The following PTPRQ variants were observed in gnomAD, a reference collection of about 807,000 sequenced individuals.
PTPRQ encodes the protein protein tyrosine phosphatase receptor type Q, also known as phosphatidylinositol phosphatase PTPRQ.
In PTPRQ, 199 loss-of-function variants were observed where a neutral mutation model predicts 246.0. That is an observed-to-expected ratio of 0.81 (90% CI 0.72 to 0.91). PTPRQ has a LOEUF of 0.91. Ranked by LOEUF, PTPRQ falls within the 40% of genes least tolerant of loss-of-function variation. PTPRQ has a pLI of 0.00. For missense variants in PTPRQ, 2,624 were observed against 2,528.4 expected (o/e 1.04, Z -0.81); for synonymous variants, 869 against 853.2 (o/e 1.02, Z -0.32).
chr12:80,580,991 T>C (rs1475115393), intron 25 of PTPRQ, among the ~76,000 whole-genome samples: 1 of 152,200 alleles, frequency 6.6e-6, no homozygotes, highest in Non-Finnish European at 1.5e-5. Context: ...ATTGATCTGC[T>C]GAAAATTTTT....
In PTPRQ at chr12:80,444,360, C is replaced by A. The variant is rs1180358614; in HGVS notation, c.15C>A (p.Ile5=). MDFL[I]IFLLLFIGTS... ...ATGTAATAAAGATGGATTTTCTTAT[C>A]ATTTTTCTTTTACTTTTTATTGGGA... The change falls in exon 1 of 45, where the codon ATC becomes ATA. Residue 5 remains isoleucine (I), a synonymous_variant. Coordinates refer to ENST00000644991, the MANE Select transcript of PTPRQ (RefSeq NM_001145026.2). 2 of 1,467,782 alleles carry A rather than the reference C, an allele frequency of 1.4e-6. No individual in the cohort carries two copies. Among genetic ancestry groups the A allele is most frequent in the Non-Finnish European group, 1.9e-6 (2 of 1,074,494 alleles). 90.9% of individuals were successfully genotyped at this position (1,467,782 alleles called of 1,614,324 possible). A position where few individuals can be genotyped will look rare whatever the true frequency, so the allele number is the denominator to read the frequency against.
At chr12:80,459,185 G>A (rs945211512) in intron 4 of PTPRQ, 99 bp from the exon 5 acceptor site, 9 of 396,290 alleles carry the variant, frequency 2.3e-5, no homozygotes, top group African/African-American at 6.2e-5. Flanking sequence ...ATTTTATGCA[G>A]TGTATTATAT....
intron 6 of PTPRQ, among the ~76,000 whole-genome samples, chr12:80,466,714 C>G (rs1329826777): frequency 6.6e-6 from 1 of 152,192 alleles, no homozygotes; most frequent in Non-Finnish European, 1.5e-5. Flanking sequence ...ATATCTACAA[C>G]TATCTGATCT....
intron 35 of PTPRQ, among the ~76,000 whole-genome samples, chr12:80,646,643 C>A (rs999360981): frequency 6.6e-6 from 1 of 151,944 alleles, no homozygotes; most frequent in Non-Finnish European, 1.5e-5. Context: ...TCCTTGCATG[C>A]GAATGTTGAG....
intron 14 of PTPRQ, among the ~76,000 whole-genome samples, chr12:80,505,629 C>T (rs957978925): frequency 2.0e-5 from 3 of 151,862 alleles, no homozygotes; most frequent in Non-Finnish European, 2.9e-5. Context: ...ACAGACCTTG[C>T]TGTCGACCAA....
chr12:80,528,912 C>T (rs1272003927), intron 17 of PTPRQ, among the ~76,000 whole-genome samples: 1 of 152,084 alleles, frequency 6.6e-6, no homozygotes, highest in African/African-American at 2.4e-5. Context: ...ATGTATCTTT[C>T]CTACCAAAAG....
At chr12:80,506,745 T>C in intron 16 of PTPRQ, 75 bp downstream of exon 16, 1 of 1,328,244 alleles carries the variant, frequency 7.5e-7, no homozygotes, top group Non-Finnish European at 1.0e-6. Flanking sequence ...AATGAAACAA[T>C]GTAAAAACTC....
chr12:80,446,061 G>A (rs967164707), intron 3 of PTPRQ, among the ~76,000 whole-genome samples: 3 of 151,760 alleles, frequency 2.0e-5, no homozygotes, highest in Admixed American at 6.6e-5. Flanking sequence ...AGAGGCCAGG[G>A]TAGTTTGAAT....
intron 21 of PTPRQ, 96 bp from the exon 22 acceptor site, chr12:80,541,993 A>C (rs1252230237): frequency 6.8e-7 from 1 of 1,479,504 alleles, no homozygotes; most frequent in Non-Finnish European, 9.0e-7. Context: ...TCTTAAAATA[A>C]TCTGCTAAGA....
intron 25 of PTPRQ, among the ~76,000 whole-genome samples, chr12:80,552,165 A>C (rs1292521060): frequency 6.6e-6 from 1 of 152,138 alleles, no homozygotes; most frequent in Non-Finnish European, 1.5e-5. Context: ...GTAGATTACC[A>C]GGAACTTTTG....
At chr12:80,461,639 TATATC>T (rs1182796426) in intron 6 of PTPRQ, among the ~76,000 whole-genome samples, 12 of 150,630 alleles carry the variant, frequency 8.0e-5, no homozygotes, top group Non-Finnish European at 1.3e-4. Flanking sequence ...AGCTGACAGA[TATATC>T]ATAATATAGT....
chr12:80,481,807 C>A (rs1050932209), intron 8 of PTPRQ, among the ~76,000 whole-genome samples: 1 of 151,998 alleles, frequency 6.6e-6, no homozygotes, highest in Non-Finnish European at 1.5e-5. Context: ...ACCTAGGAAT[C>A]CAACTTACAA....
At chr12:80,454,509 A>G (rs1892904690) in intron 3 of PTPRQ, 1 of 702,442 alleles carries the variant, frequency 1.4e-6, no homozygotes, top group Non-Finnish European at 2.6e-6. Flanking sequence ...ACTGTGTTCA[A>G]TAGGATTGGT....
At position 80,616,079 on chromosome 12, in the gene PTPRQ, TTA is replaced by T. The variant is rs3994957; in HGVS notation, c.5164-106_5164-105del. ...AAATTACATGTAACCATAATCAGTT[TTA>T]TATATATATATATAACTATATATAT... On this transcript the variant is annotated intron_variant, in intron 29 of 44. Transcript: ENST00000644991. 0.28 allele frequency: 130,328 copies of T among 470,722 alleles called. 18,514 individuals are homozygous for T. Among genetic ancestry groups the T allele is most frequent in the Admixed American group, 0.3 (5,401 of 18,152 alleles). 29.2% of individuals were successfully genotyped at this position (470,722 alleles called of 1,614,324 possible). A position where few individuals can be genotyped will look rare whatever the true frequency, so the allele number is the denominator to read the frequency against.
chr12:80,665,159 C>T (rs1592774377), intron 39 of PTPRQ, among the ~76,000 whole-genome samples: 1 of 151,980 alleles, frequency 6.6e-6, no homozygotes, highest in Non-Finnish European at 1.5e-5. Flanking sequence ...TGGCAAATTA[C>T]TGGTGCAAGT....
At chr12:80,579,480 A>G (rs949748643) in intron 25 of PTPRQ, among the ~76,000 whole-genome samples, 2 of 152,118 alleles carry the variant, frequency 1.3e-5, no homozygotes, top group Admixed American at 6.6e-5. Flanking sequence ...TGTTCCTTCA[A>G]ATTAGAGCTC....
intron 43 of PTPRQ, among the ~76,000 whole-genome samples, chr12:80,673,912 A>G (rs1360937081): frequency 6.6e-6 from 1 of 152,102 alleles, no homozygotes; most frequent in Non-Finnish European, 1.5e-5. Context: ...CTGAGTGTCT[A>G]CTGGGTTCCA....
chr12:80,657,772 T>C (rs1016669692), intron 38 of PTPRQ, among the ~76,000 whole-genome samples: 1 of 151,870 alleles, frequency 6.6e-6, no homozygotes, highest in Non-Finnish European at 1.5e-5. Context: ...AAAGAATATG[T>C]ATAGAAAATT....
intron 34 of PTPRQ, among the ~76,000 whole-genome samples, chr12:80,634,114 T>C (rs1899549010): frequency 6.6e-6 from 1 of 152,160 alleles, no homozygotes; most frequent in Non-Finnish European, 1.5e-5. Context: ...TCTTATGTGT[T>C]GTAATTTGAA....
Sources: gnomAD v4.1 joint callset for allele counts (sites outside exome capture counted in the v4.1 genomes callset) on GRCh38, gnomAD v4.1.1 for gene constraint, MANE v1.5 for transcripts, NCBI Gene and HGNC (gene_info 2026-07-23, HGNC 2026-07-21) for gene names.